NLGN1: variants seen among roughly 807,000 people sequenced by gnomAD.
NLGN1 encodes neuroligin 1, also known as neuroligin-1.
In NLGN1, 12 loss-of-function variants were observed where a neutral mutation model predicts 65.5. The ratio of observed to expected loss-of-function variants is 0.18; its 90% CI spans 0.12 to 0.30. The LOEUF (loss-of-function observed/expected upper bound fraction) is 0.30. Among genes scored for constraint, NLGN1 ranks in the 10% least tolerant of loss-of-function variants. NLGN1 has a pLI of 1.00. For synonymous variants in NLGN1, 350 were observed against 359.5 expected (o/e 0.97, Z 0.30); for missense variants, 750 against 1,007.1 (o/e 0.74, Z 3.46).
In NLGN1 at chr3:174,153,713, C is replaced by A. The variant is rs371418233; in HGVS notation, c.647-121602C>A. Among the ~76,000 whole-genome samples the A allele has an allele frequency of 2.0e-5, 3 of 152,006 alleles. No homozygotes were observed. The East Asian group carries it at 5.8e-4, about 29-fold the overall frequency. On this transcript the variant is annotated intron_variant, in intron 4 of 6. Transcript: ENST00000457714. ...TGAGCTCTGAAGATTCTGAAATTGG[C>A]CAGTTACAGTGGCTCACATCCATAA...
At chr3:173,423,344 C>T (rs961011918) in intron 1 of NLGN1, among the ~76,000 whole-genome samples, 12 of 152,138 alleles carry the variant, frequency 7.9e-5, no homozygotes, top group African/African-American at 2.9e-4. Flanking sequence ...TCAATAATGC[C>T]TTCCTAACAG....
chr3:173,887,574 CTAAT>C (rs1169384206), intron 4 of NLGN1, among the ~76,000 whole-genome samples: 1 of 151,920 alleles, frequency 6.6e-6, no homozygotes, highest in Non-Finnish European at 1.5e-5. Flanking sequence ...AGGGACACAG[CTAAT>C]TAGAGGCAGA....
At chr3:173,577,883 A>T (rs1240220770) in intron 2 of NLGN1, among the ~76,000 whole-genome samples, 1 of 152,208 alleles carries the variant, frequency 6.6e-6, no homozygotes, top group African/African-American at 2.4e-5. Flanking sequence ...AGACAGATAT[A>T]TAGACAGATA....
At chr3:173,816,767 A>G (rs1447307335) in intron 4 of NLGN1, among the ~76,000 whole-genome samples, 1 of 152,186 alleles carries the variant, frequency 6.6e-6, no homozygotes, top group Non-Finnish European at 1.5e-5. Context: ...CATTTTAGGC[A>G]TTATATGCCT....
chr3:173,875,699 T>A (rs1381453538), intron 4 of NLGN1, among the ~76,000 whole-genome samples: 1 of 152,202 alleles, frequency 6.6e-6, no homozygotes, highest in Non-Finnish European at 1.5e-5. Context: ...TGCCCTGCTT[T>A]TTTAAACAGT....
chr3:174,001,078 T>C (rs545551459), intron 4 of NLGN1, among the ~76,000 whole-genome samples: 3 of 152,280 alleles, frequency 2.0e-5, no homozygotes, highest in African/African-American at 7.2e-5. Context: ...AAGATTTAAT[T>C]GTACAGAGAA....
intron 3 of NLGN1, among the ~76,000 whole-genome samples, chr3:173,764,411 T>A (rs1300669469): frequency 6.6e-6 from 1 of 152,126 alleles, no homozygotes; most frequent in Non-Finnish European, 1.5e-5. Context: ...TCCTGTAAGG[T>A]TCACTTGTTC....
At chr3:173,909,209 G>A (rs956506527) in intron 4 of NLGN1, among the ~76,000 whole-genome samples, 2 of 152,074 alleles carry the variant, frequency 1.3e-5, no homozygotes, top group African/African-American at 2.4e-5. Flanking sequence ...TGGTTTCGGG[G>A]GAGGTTCAGT....
chr3:174,077,030 T>C (rs1161811630), intron 4 of NLGN1, among the ~76,000 whole-genome samples: 1 of 152,202 alleles, frequency 6.6e-6, no homozygotes, highest in Admixed American at 6.5e-5. Context: ...TCTACAGCTA[T>C]TAATAAATGC....
At chr3:173,747,131 GTA>G (rs202193301) in intron 3 of NLGN1, among the ~76,000 whole-genome samples, 7,267 of 145,250 alleles carry the variant, frequency 0.05, 263 homozygotes, top group East Asian at 0.086. Context: ...ACGTGTGTGT[GTA>G]TATATATGTA....
intron 2 of NLGN1, among the ~76,000 whole-genome samples, chr3:173,501,647 G>A (rs1014947625): frequency 1.3e-5 from 2 of 149,718 alleles, no homozygotes; most frequent in Admixed American, 6.7e-5. Flanking sequence ...AGATAATTAT[G>A]TATAATTATA....
At chr3:173,866,728 A>G (rs1262642747) in intron 4 of NLGN1, among the ~76,000 whole-genome samples, 2 of 152,134 alleles carry the variant, frequency 1.3e-5, no homozygotes, top group East Asian at 3.9e-4. Flanking sequence ...CACTGAAGGG[A>G]CCAATTTTTC....
At chr3:174,114,792 T>C (rs1025909954) in intron 4 of NLGN1, among the ~76,000 whole-genome samples, 15 of 152,100 alleles carry the variant, frequency 9.9e-5, no homozygotes, top group African/African-American at 3.6e-4. Context: ...AATGTTCATT[T>C]TTACCCCAAT....
chr3:173,550,833 G>A (rs1276779883), intron 2 of NLGN1, among the ~76,000 whole-genome samples: 2 of 152,124 alleles, frequency 1.3e-5, no homozygotes, highest in Non-Finnish European at 2.9e-5. Flanking sequence ...TTGAATGGCT[G>A]TGATTCATTA....
intron 2 of NLGN1, among the ~76,000 whole-genome samples, chr3:173,470,639 T>C (rs1208310837): frequency 1.3e-5 from 2 of 152,090 alleles, no homozygotes; most frequent in Non-Finnish European, 2.9e-5. Context: ...AAAGCTGTTA[T>C]AGAATTAAAT....
At chr3:174,151,576 TTAAG>T (rs909138503) in intron 4 of NLGN1, among the ~76,000 whole-genome samples, 3 of 126,420 alleles carry the variant, frequency 2.4e-5, no homozygotes, top group Non-Finnish European at 4.7e-5. Context: ...GACAGACAGA[TTAAG>T]TTTCTATGAA....
At chr3:174,188,239 G>A (rs1425534173) in intron 4 of NLGN1, among the ~76,000 whole-genome samples, 1 of 151,832 alleles carries the variant, frequency 6.6e-6, no homozygotes, top group African/African-American at 2.4e-5. Context: ...TAATTTTCCT[G>A]GCTTTTGGTT....
At chr3:174,112,160 G>A (rs140859870) in intron 4 of NLGN1, among the ~76,000 whole-genome samples, 46 of 151,946 alleles carry the variant, frequency 3.0e-4, no homozygotes, top group African/African-American at 1.1e-3. Flanking sequence ...ATTTCTAGTG[G>A]CTTAGAAAGA....
At chr3:174,151,589 A>T (rs1166207196) in intron 4 of NLGN1, among the ~76,000 whole-genome samples, 1 of 152,116 alleles carries the variant, frequency 6.6e-6, no homozygotes, top group Non-Finnish European at 1.5e-5. Flanking sequence ...AGTTTCTATG[A>T]ATCTCTAGAA....
Sources: gnomAD v4.1 joint callset for allele counts (sites outside exome capture counted in the v4.1 genomes callset) on GRCh38, gnomAD v4.1.1 for gene constraint, MANE v1.5 for transcripts, NCBI Gene and HGNC (gene_info 2026-07-23, HGNC 2026-07-21) for gene names.